The following EHD4 variants were observed in gnomAD, a reference collection of about 807,000 sequenced individuals.
The protein encoded by EHD4 is EH domain containing 4.
Under a neutral mutation model 51.0 loss-of-function variants are expected in EHD4, and 37 were observed. The observed-to-expected ratio is 0.73, with a 90% CI of 0.56 to 0.95. The LOEUF is 0.95. Among genes scored for constraint, EHD4 ranks in the 40% least tolerant of loss-of-function variants. The pLI, the probability that EHD4 is intolerant of heterozygous loss-of-function variation, is 0.00. For synonymous variants in EHD4, 297 were observed against 317.3 expected (o/e 0.94, Z 0.68); for missense variants, 632 against 733.1 (o/e 0.86, Z 1.59).
chr15:41,903,898 G>C (rs566783674), intron 5 of EHD4, among the ~76,000 whole-genome samples: 1 of 152,146 alleles, frequency 6.6e-6, no homozygotes, highest in Non-Finnish European at 1.5e-5. Flanking sequence ...GGTACTGCAG[G>C]CCGGGTCTCT....
intron 4 of EHD4, among the ~76,000 whole-genome samples, chr15:41,916,990 C>T (rs2067588907): frequency 6.6e-6 from 1 of 152,208 alleles, no homozygotes; most frequent in African/African-American, 2.4e-5. Context: ...CGTTCTGTGC[C>T]TCCAAACCCA....
At position 41,930,470 on chromosome 15, in the gene EHD4, T is replaced by C. The variant is rs560925356; in HGVS notation, c.512-10848A>G. ...TTGACCGTGACAATGCATCTTGTCA[T>C]TCTGTGGTTCAGAAGGGCAAAGGTA... is the stretch of plus-strand genomic sequence containing the variant. On this transcript the variant is annotated intron_variant, in intron 3 of 5. Coordinates refer to ENST00000220325, the MANE Select transcript of EHD4 (RefSeq NM_139265.4). Among the ~76,000 whole-genome samples, 10 of 152,356 alleles carry C rather than the reference T, an allele frequency of 6.6e-5. No homozygotes were observed. In the East Asian group the frequency reaches 1.9e-3, roughly 29 times the overall value.
In EHD4 at chr15:41,919,600, C is replaced by T. The variant is rs985217597; in HGVS notation, c.534G>A (p.Leu178=). ...ISRGYDFCQV[L]QWFAERVDRI... is the part of the protein sequence containing the mutation. ...TGTCCACCCTCTCGGCAAACCACTG[C>T]AGGACCTGGCAGAAGTCATAGCCTG... Residue 178 remains leucine, a synonymous_variant, in exon 4 of 6, where the codon CTG becomes CTA. Transcript: ENST00000220325. 7 of 1,514,760 alleles carry T rather than the reference C, an allele frequency of 4.6e-6. No individual in the cohort carries two copies. In the African/African-American group the frequency reaches 7.0e-5, roughly 15 times the overall value. The allele number at this position is 1,514,760 out of a possible 1,614,324, so 93.8% of individuals were successfully genotyped here. A position where few individuals can be genotyped will look rare whatever the true frequency, so the allele number is the denominator to read the frequency against.
chr15:41,905,517 C>T (rs1266170354), intron 5 of EHD4, among the ~76,000 whole-genome samples: 7 of 152,198 alleles, frequency 4.6e-5, no homozygotes, highest in African/African-American at 1.7e-4. Context: ...GCATGGGTCA[C>T]TGACCTCATG....
chr15:41,952,348 C>T (rs962140411), intron 2 of EHD4, among the ~76,000 whole-genome samples: 13 of 152,186 alleles, frequency 8.5e-5, no homozygotes, highest in Admixed American at 5.9e-4. Flanking sequence ...GATGACCCTC[C>T]CTAGCTCTGT....
chr15:41,942,825 C>CCACTCGTTTACCT (rs1249554441), intron 3 of EHD4: 1 of 413,142 alleles, frequency 2.4e-6, no homozygotes, highest in African/African-American at 2.0e-5. Flanking sequence ...ATTGTTTACC[C>CCACTCGTTTACCT]CACTCCTCAT....
chr15:41,956,230 CT>C (rs1380708007), intron 1 of EHD4, among the ~76,000 whole-genome samples: 1 of 152,194 alleles, frequency 6.6e-6, no homozygotes, highest in Non-Finnish European at 1.5e-5. Context: ...GCAGCGTGTG[CT>C]TTTTGGGGAA....
chr15:41,949,088 G>A (rs2067836292), intron 2 of EHD4, among the ~76,000 whole-genome samples: 1 of 137,682 alleles, frequency 7.3e-6, no homozygotes, highest in African/African-American at 2.7e-5. Flanking sequence ...ACATAAATTT[G>A]GCCAGGCATG....
intron 2 of EHD4, among the ~76,000 whole-genome samples, chr15:41,949,016 C>CTA (rs3035677): frequency 0.048 from 4,406 of 92,174 alleles, 109 homozygotes; most frequent in East Asian, 0.083. Context: ...CAGAGTGAGA[C>CTA]TATATATATA....
chr15:41,919,877 C>A (rs1237101921), intron 3 of EHD4, among the ~76,000 whole-genome samples: 1 of 152,246 alleles, frequency 6.6e-6, no homozygotes. Flanking sequence ...TGCTGACTTT[C>A]ATATCTGCGA....
intron 5 of EHD4, among the ~76,000 whole-genome samples, chr15:41,904,909 G>C (rs78130147): frequency 1.3e-5 from 2 of 152,386 alleles, no homozygotes; most frequent in African/African-American, 4.8e-5. Context: ...GCCTGTCCCA[G>C]CTCAGGGAAG....
intron 5 of EHD4, among the ~76,000 whole-genome samples, chr15:41,901,746 G>A (rs1285197390): frequency 6.6e-6 from 1 of 152,178 alleles, no homozygotes; most frequent in East Asian, 1.9e-4. Context: ...AAAATGTAGT[G>A]TAGGACAGCT....
chr15:41,917,488 G>T (rs1314381166), intron 4 of EHD4, among the ~76,000 whole-genome samples: 2 of 152,106 alleles, frequency 1.3e-5, no homozygotes, highest in African/African-American at 4.8e-5. Flanking sequence ...CCAATAACTG[G>T]TAAATGAAGA....
At position 41,963,582 on chromosome 15, in the gene EHD4, AGAGT is replaced by A. The variant is rs570688113; in HGVS notation, c.236+8673_236+8676del. Among the ~76,000 whole-genome samples, 519 of 150,778 alleles carry A rather than the reference AGAGT, an allele frequency of 3.4e-3. 5 individuals are homozygous for A. Among genetic ancestry groups the A allele is most frequent in the Non-Finnish European group, 4.2e-3 (281 of 67,676 alleles). ...CTACTGCACTCCAGTGTGGGTGGACAGAGTGAGAGTCTGTTTCAAAAAAAAAAAA... is the reference window on the plus strand; with the variant it reads ...CTACTGCACTCCAGTGTGGGTGGACAGAGAGTCTGTTTCAAAAAAAAAAAA... On this transcript the variant is annotated intron_variant, in intron 1 of 5. Transcript: ENST00000220325.
intron 3 of EHD4, among the ~76,000 whole-genome samples, chr15:41,937,846 G>A (rs570815200): frequency 6.6e-6 from 1 of 152,086 alleles, no homozygotes; most frequent in Non-Finnish European, 1.5e-5. Flanking sequence ...TAGCTCTGTC[G>A]ATTCTTTTGA....
chr15:41,971,015 A>C (rs1309695383), intron 1 of EHD4, among the ~76,000 whole-genome samples: 1 of 152,220 alleles, frequency 6.6e-6, no homozygotes, highest in Non-Finnish European at 1.5e-5. Context: ...AAATAAAGCA[A>C]TTTTGAAATT....
Position 41,963,605 on chromosome 15 carries a change from A to C in EHD4, c.236+8654T>G, listed in dbSNP as rs552987807. Among the ~76,000 whole-genome samples the C allele has an allele frequency of 9.9e-5, 15 of 152,052 alleles. No individual in the cohort carries two copies. In the South Asian group the frequency reaches 2.9e-3, roughly 29 times the overall value. ...ACAGAGTGAGAGTCTGTTTCAAAAA[A>C]AAAAAAAAAAAGAATATGAGTGAAC... On this transcript the variant is annotated intron_variant, in intron 1 of 5. Transcript: ENST00000220325.
intron 2 of EHD4, among the ~76,000 whole-genome samples, chr15:41,943,786 C>A (rs894468012): frequency 2.0e-5 from 3 of 152,208 alleles, no homozygotes; most frequent in Admixed American, 1.3e-4. Flanking sequence ...GGGACTGGGG[C>A]CTGTTTCCCC....
At chr15:41,937,770 T>C (rs2067742145) in intron 3 of EHD4, among the ~76,000 whole-genome samples, 1 of 152,246 alleles carries the variant, frequency 6.6e-6, no homozygotes, top group South Asian at 2.1e-4. Flanking sequence ...TGTGGTCTGC[T>C]GGTGCCTTTT....
Sources: gnomAD v4.1 joint callset for allele counts (sites outside exome capture counted in the v4.1 genomes callset) on GRCh38, gnomAD v4.1.1 for gene constraint, MANE v1.5 for transcripts, NCBI Gene and HGNC (gene_info 2026-07-23, HGNC 2026-07-21) for gene names.